The following MAP2K5 variants were observed in gnomAD, a reference collection of about 807,000 sequenced individuals.
The protein encoded by MAP2K5 is dual specificity mitogen-activated protein kinase kinase 5.
Under a neutral mutation model 83.1 loss-of-function variants are expected in MAP2K5, and 49 were observed. The observed-to-expected ratio is 0.59, with a 90% CI of 0.47 to 0.75. The LOEUF is 0.75. MAP2K5 is among the 30% of genes least tolerant of loss of function. The pLI is 0.00. For missense variants in MAP2K5, 457 were observed against 557.5 expected, an observed-to-expected ratio of 0.82 and a Z score of 1.82; for synonymous variants, 202 against 191.8, an observed-to-expected ratio of 1.05 and a Z score of -0.44.
rs750829922 is a variant in MAP2K5 at position 67,652,064 on chromosome 15, G to T, written c.736+5595G>T. Among the ~76,000 whole-genome samples the T allele has an allele frequency of 2.3e-4, 35 of 152,092 alleles. No homozygotes were observed. Among genetic ancestry groups the T allele is most frequent in the Non-Finnish European group, 3.5e-4 (24 of 68,028 alleles). ...TTTTTGATAAAAGCCATTTCAGCTG[G>T]AGTGAGAGGATATCTCACTGTGGTT... On this transcript the variant is annotated intron_variant, in intron 11 of 21. Transcript: ENST00000178640. The surrounding 1 kb of genome is among the most constrained non-coding windows in gnomAD (Gnocchi z 4.2).
At chr15:67,696,153 A>G (rs2088250758) in intron 15 of MAP2K5, among the ~76,000 whole-genome samples, 1 of 147,076 alleles carries the variant, frequency 6.8e-6, no homozygotes, top group Non-Finnish European at 1.5e-5. Flanking sequence ...TTTAACCACA[A>G]CTAGTTCTCA....
At chr15:67,582,664 A>T (rs2085204390) in intron 4 of MAP2K5, among the ~76,000 whole-genome samples, 1 of 152,062 alleles carries the variant, frequency 6.6e-6, no homozygotes, top group Admixed American at 6.6e-5. Flanking sequence ...TACCAAAAAA[A>T]TACAAAAATT....
At chr15:67,580,241 A>G (rs1361316481) in intron 3 of MAP2K5, among the ~76,000 whole-genome samples, 1 of 152,204 alleles carries the variant, frequency 6.6e-6, no homozygotes, top group Admixed American at 6.5e-5. Context: ...CCTTTTTATC[A>G]TGTTAATCCT....
chr15:67,774,869 A>G lies in MAP2K5; in HGVS notation c.1242+2117A>G, dbSNP rs1188551574. Among the ~76,000 whole-genome samples, 1 of 152,246 alleles carries G rather than the reference A, an allele frequency of 6.6e-6. No homozygotes were observed. The highest frequency in any genetic ancestry group is 1.5e-5 in the Non-Finnish European group (1 of 68,034). On this transcript the variant is annotated intron_variant, in intron 21 of 21. Coordinates refer to ENST00000178640, the MANE Select transcript of MAP2K5 (RefSeq NM_145160.3). This position sits in a 1 kb window ranked among gnomAD's most constrained non-coding sequence, Gnocchi z 4.9. ...GGGCCGCTTCAAATGTGAGGCCTGC[A>G]GGATTGTCAAGGTTTCCCTGTAGGC...
At position 67,719,380 on chromosome 15, in the gene MAP2K5, CAG is replaced by C. The variant is rs1027993158; in HGVS notation, c.1045-8535_1045-8534del. ...ACCAGTCTCCAGGAGAGATCAGCAT[CAG>C]GGGATATATCATAATCAACAAATGC... On this transcript the variant is annotated intron_variant, in intron 16 of 21. Coordinates refer to ENST00000178640, the MANE Select transcript of MAP2K5 (RefSeq NM_145160.3). This position sits in a 1 kb window ranked among gnomAD's most constrained non-coding sequence, Gnocchi z 4.6. Among the ~76,000 whole-genome samples the C allele has an allele frequency of 5.9e-5, 9 of 152,186 alleles. No homozygotes were observed. The highest frequency in any genetic ancestry group is 1.3e-4 in the Non-Finnish European group (9 of 68,030).
rs2090200063 is a variant in MAP2K5, at chr15:67,774,338, A to G, written c.1242+1586A>G. 6.6e-6 allele frequency among the ~76,000 whole-genome samples: 1 copy of G among 152,194 alleles called. No individual in the cohort carries two copies. The highest frequency in any genetic ancestry group is 2.4e-5 in the African/African-American group (1 of 41,452). ...ATGTTGTCACAGGAAGCACCATTCC[A>G]TACTTAATTTAACATTATTTCTAGT... On this transcript the variant is annotated intron_variant, in intron 21 of 21. Transcript: ENST00000178640. This position sits in a 1 kb window ranked among gnomAD's most constrained non-coding sequence, Gnocchi z 4.9.
At chr15:67,687,745 C>T (rs913696112) in intron 13 of MAP2K5, among the ~76,000 whole-genome samples, 1 of 152,070 alleles carries the variant, frequency 6.6e-6, no homozygotes, top group Non-Finnish European at 1.5e-5. Flanking sequence ...CATGTTAGTT[C>T]ACCTGTTTAG....
Position 67,638,972 on chromosome 15 carries a change from A to G in MAP2K5, c.586-7259A>G, listed in dbSNP as rs547119207. Among the ~76,000 whole-genome samples, 1 of 152,274 alleles carries G rather than the reference A, an allele frequency of 6.6e-6. No individual in the cohort carries two copies. The highest frequency in any genetic ancestry group is 2.4e-5 in the African/African-American group (1 of 41,550). On this transcript the variant is annotated intron_variant, in intron 9 of 21. Coordinates refer to ENST00000178640, the MANE Select transcript of MAP2K5 (RefSeq NM_145160.3). This position sits in a 1 kb window ranked among gnomAD's most constrained non-coding sequence, Gnocchi z 4.5. ...CCCTTCCTTATACCCCTTTACTGCA[A>G]AAATTAACTCAAAATTAAAGACTTA...
At chr15:67,799,362 G>C (rs1186365483) in intron 21 of MAP2K5, among the ~76,000 whole-genome samples, 1 of 152,236 alleles carries the variant, frequency 6.6e-6, no homozygotes, top group Non-Finnish European at 1.5e-5. Flanking sequence ...CCTGTGCTCT[G>C]TGTGGAGGAA....
chr15:67,551,329 A>G (rs886356845), intron 2 of MAP2K5, among the ~76,000 whole-genome samples: 9 of 152,284 alleles, frequency 5.9e-5, no homozygotes, highest in African/African-American at 2.2e-4. Flanking sequence ...TTGTGAGATC[A>G]TGATGATAAT....
intron 21 of MAP2K5, among the ~76,000 whole-genome samples, chr15:67,791,712 T>G (rs1181735972): frequency 1.3e-5 from 2 of 152,182 alleles, no homozygotes; most frequent in Non-Finnish European, 2.9e-5. Context: ...ATGGGGTTGT[T>G]GTGACACTGA....
intron 2 of MAP2K5, among the ~76,000 whole-genome samples, chr15:67,550,674 TAGTC>T (rs1329203969): frequency 1.1e-4 from 17 of 151,970 alleles, no homozygotes; most frequent in African/African-American, 3.9e-4. Flanking sequence ...TACGATGAGA[TAGTC>T]AGTAGCATAA....
In MAP2K5 at chr15:67,777,358, T is replaced by G. The variant is rs2090257415; in HGVS notation, c.1242+4606T>G. ...TGCATTTAGAGTGTTTCCAGAAGCT[T>G]TCAGTGTCTAAGCTCTATTTAATGG... On this transcript the variant is annotated intron_variant, in intron 21 of 21. Transcript: ENST00000178640. The surrounding 1 kb of genome is among the most constrained non-coding windows in gnomAD (Gnocchi z 6.0). Among the ~76,000 whole-genome samples, 1 of 152,144 alleles carries G rather than the reference T, an allele frequency of 6.6e-6. No homozygotes were observed. The highest frequency in any genetic ancestry group is 1.5e-5 in the Non-Finnish European group (1 of 68,024).
rs185590928 is a variant in MAP2K5, at chr15:67,609,244, T to C, written c.545+8495T>C. 1.6e-4 allele frequency among the ~76,000 whole-genome samples: 25 copies of C among 152,232 alleles called. No individual in the cohort carries two copies. In the East Asian group the frequency reaches 2.9e-3, roughly 18 times the overall value. On this transcript the variant is annotated intron_variant, in intron 8 of 21. Coordinates refer to ENST00000178640, the MANE Select transcript of MAP2K5 (RefSeq NM_145160.3). ...GTCTATATTCATTTTTCACTGAACA[T>C]CCTGTCACTGTGCCAAGGACTATTC...
intron 4 of MAP2K5, among the ~76,000 whole-genome samples, chr15:67,583,057 C>T (rs1369225588): frequency 6.6e-6 from 1 of 152,170 alleles, no homozygotes; most frequent in Non-Finnish European, 1.5e-5. Context: ...TTGCTTTACG[C>T]ATCATCATCT....
At position 67,645,083 on chromosome 15, in the gene MAP2K5, G is replaced by A. The variant is rs577804687; in HGVS notation, c.586-1148G>A. ...GAATCGCTTGAGCCCATGAGACAGA[G>A]GTTGCTTGAACCCAGGAGACAGAGG... On this transcript the variant is annotated intron_variant, in intron 9 of 21. Coordinates refer to ENST00000178640, the MANE Select transcript of MAP2K5 (RefSeq NM_145160.3). 3.9e-5 allele frequency among the ~76,000 whole-genome samples: 6 copies of A among 152,260 alleles called. No individual in the cohort carries two copies. The Middle Eastern group carries it at 0.02, about 518-fold the overall frequency.
chr15:67,557,635 T>C (rs2084654740), intron 2 of MAP2K5, among the ~76,000 whole-genome samples: 1 of 152,240 alleles, frequency 6.6e-6, no homozygotes, highest in African/African-American at 2.4e-5. Flanking sequence ...TTTGGCATAG[T>C]ATGACCATTT....
rs938417982 is a variant in MAP2K5, at chr15:67,676,346, G to C, written c.847+11701G>C. On this transcript the variant is annotated intron_variant, in intron 13 of 21. Transcript: ENST00000178640. This position sits in a 1 kb window ranked among gnomAD's most constrained non-coding sequence, Gnocchi z 4.8. ...ATTGAATCATAATTTTCTGAGGGCAGTGTTTTTCTCCTGGAACTTTTTATA... is the reference window on the plus strand; with the variant it reads ...ATTGAATCATAATTTTCTGAGGGCACTGTTTTTCTCCTGGAACTTTTTATA... 6.6e-6 allele frequency among the ~76,000 whole-genome samples: 1 copy of C among 152,178 alleles called. No homozygotes were observed. Among genetic ancestry groups the C allele is most frequent in the African/African-American group, 2.4e-5 (1 of 41,454 alleles).
chr15:67,549,234 A>G (rs1764378871), intron 1 of MAP2K5: 2 of 1,505,028 alleles, frequency 1.3e-6, no homozygotes, highest in Non-Finnish European at 1.8e-6. Context: ...TATTCAATTA[A>G]GCTGTCTCAG....
Sources: gnomAD v4.1 joint callset for allele counts (sites outside exome capture counted in the v4.1 genomes callset) on GRCh38, gnomAD v4.1.1 for gene constraint, Gnocchi (gnomAD v3.1) non-coding constraint, MANE v1.5 for transcripts, NCBI Gene and HGNC (gene_info 2026-07-23, HGNC 2026-07-21) for gene names.